Variants in ATRNL1 observed in about 807,000 individuals in gnomAD.
ATRNL1 encodes attractin like 1.
Under a neutral mutation model 182.7 loss-of-function variants are expected in ATRNL1, and 95 were observed. The observed-to-expected ratio is 0.52, with a 90% CI of 0.44 to 0.62. The LOEUF (loss-of-function observed/expected upper bound fraction) is 0.62. Ranked by LOEUF, ATRNL1 falls within the 20% of genes least tolerant of loss-of-function variation. ATRNL1 has a pLI of 0.00. For missense variants in ATRNL1, 1,471 were observed against 1,679.5 expected, an observed-to-expected ratio of 0.88 and a Z score of 2.17; for synonymous variants, 576 against 568.3, an observed-to-expected ratio of 1.01 and a Z score of -0.19.
At chr10:115,628,927 G>A (rs1858298162) in intron 26 of ATRNL1, among the ~76,000 whole-genome samples, 1 of 152,114 alleles carries the variant, frequency 6.6e-6, no homozygotes, top group Admixed American at 6.5e-5. Flanking sequence ...TAATTGAATA[G>A]TCTTGGCCTT....
chr10:115,679,326 T>G (rs1945972552), intron 26 of ATRNL1, among the ~76,000 whole-genome samples: 1 of 152,078 alleles, frequency 6.6e-6, no homozygotes, highest in South Asian at 2.1e-4. Flanking sequence ...TTGGTTTTTT[T>G]TTTAATTCCA....
At chr10:115,459,666 C>T (rs2134521311) in intron 21 of ATRNL1, among the ~76,000 whole-genome samples, 1 of 152,252 alleles carries the variant, frequency 6.6e-6, no homozygotes, top group Admixed American at 6.6e-5. Flanking sequence ...TCCTGTGGTC[C>T]TGTGATCTCG....
intron 26 of ATRNL1, among the ~76,000 whole-genome samples, chr10:115,562,394 GT>G (rs1221696050): frequency 6.6e-6 from 1 of 152,132 alleles, no homozygotes; most frequent in Non-Finnish European, 1.5e-5. Context: ...AAATTAGACT[GT>G]GGTAATTGTT....
intron 1 of ATRNL1, among the ~76,000 whole-genome samples, chr10:115,111,707 A>G (rs1186943011): frequency 6.6e-6 from 1 of 152,276 alleles, no homozygotes; most frequent in East Asian, 1.9e-4. Flanking sequence ...ATTAGGGATC[A>G]AATTTCAGTG....
intron 26 of ATRNL1, among the ~76,000 whole-genome samples, chr10:115,686,353 C>A (rs1204968686): frequency 6.6e-6 from 1 of 151,986 alleles, no homozygotes; most frequent in African/African-American, 2.4e-5. Flanking sequence ...AGAATTCTAG[C>A]CTCACCATTT....
chr10:115,541,560 A>G (rs936178307), intron 25 of ATRNL1, among the ~76,000 whole-genome samples: 7 of 152,206 alleles, frequency 4.6e-5, no homozygotes, highest in South Asian at 2.1e-4. Context: ...CATGTGAACC[A>G]TATTTATAGA....
chr10:115,617,512 A>T (rs1857503287), intron 26 of ATRNL1, among the ~76,000 whole-genome samples: 1 of 152,074 alleles, frequency 6.6e-6, no homozygotes, highest in East Asian at 1.9e-4. Context: ...GGCATGCACC[A>T]CCACACCCAG....
intron 25 of ATRNL1, among the ~76,000 whole-genome samples, chr10:115,523,573 C>G (rs1034169275): frequency 6.6e-6 from 1 of 152,182 alleles, no homozygotes; most frequent in Non-Finnish European, 1.5e-5. Context: ...TTAAAAGCAG[C>G]CACATTACTT....
At chr10:115,319,807 CTGAATACAGCACACTGATTGGTCT>C (rs1315774102) in intron 18 of ATRNL1, among the ~76,000 whole-genome samples, 3 of 151,752 alleles carry the variant, frequency 2.0e-5, no homozygotes, top group African/African-American at 7.3e-5. Context: ...GATGGGTCTC[CTGAATACAGCACACTGATTGGTCT>C]TGACTCTTTA....
intron 19 of ATRNL1, among the ~76,000 whole-genome samples, chr10:115,386,019 A>T (rs1220243756): frequency 1.3e-5 from 2 of 151,944 alleles, no homozygotes; most frequent in African/African-American, 2.4e-5. Context: ...CGTCTTTTTT[A>T]AATGCTTTTT....
intron 8 of ATRNL1, among the ~76,000 whole-genome samples, chr10:115,187,698 CT>C (rs1194596327): frequency 4.6e-5 from 5 of 109,008 alleles, no homozygotes; most frequent in Admixed American, 1.0e-4. Context: ...TTTCTTTTTT[CT>C]TTTTTTTTTT....
At chr10:115,503,093 T>A (rs1227977193) in intron 24 of ATRNL1, among the ~76,000 whole-genome samples, 3 of 152,094 alleles carry the variant, frequency 2.0e-5, no homozygotes, top group Non-Finnish European at 4.4e-5. Context: ...GGTGTCCTTT[T>A]TAGACTCAGG....
At chr10:115,553,196 A>G (rs782643931) in intron 26 of ATRNL1, among the ~76,000 whole-genome samples, 3 of 151,280 alleles carry the variant, frequency 2.0e-5, no homozygotes, top group Admixed American at 6.6e-5. Flanking sequence ...TGCATATTTT[A>G]ATAGTTACAA....
chr10:115,424,539 T>C (rs990517221), intron 20 of ATRNL1, among the ~76,000 whole-genome samples: 3 of 152,208 alleles, frequency 2.0e-5, no homozygotes, highest in Admixed American at 6.5e-5. Flanking sequence ...TCTAAGTCTG[T>C]ATCAAGAGAT....
chr10:115,314,832 A>G lies in ATRNL1; in HGVS notation c.2819-686A>G, dbSNP rs376328233. ...ACAAAAAGACAAAAAACCAACAACA[A>G]CAAAGGTTGAGTATCTGCAAATGAG... is the stretch of plus-strand genomic sequence containing the variant. On this transcript the variant is annotated intron_variant, in intron 17 of 28. Coordinates refer to ENST00000355044, the MANE Select transcript of ATRNL1 (RefSeq NM_207303.4). Among the ~76,000 whole-genome samples the G allele has an allele frequency of 2.0e-5, 3 of 152,234 alleles. No individual in the cohort carries two copies. The South Asian group carries it at 6.2e-4, about 31-fold the overall frequency.
At chr10:115,813,682 C>T (rs1251618736) in intron 27 of ATRNL1, among the ~76,000 whole-genome samples, 11 of 152,126 alleles carry the variant, frequency 7.2e-5, no homozygotes, top group Non-Finnish European at 1.3e-4. Context: ...TAAAACATCA[C>T]GTTAGTGGCA....
intron 24 of ATRNL1, among the ~76,000 whole-genome samples, chr10:115,484,093 A>G (rs897745823): frequency 1.3e-5 from 2 of 150,628 alleles, no homozygotes; most frequent in African/African-American, 2.4e-5. Flanking sequence ...TTGAAATGCA[A>G]TTGAAGAGAC....
chr10:115,312,954 T>C (rs1854109380), intron 17 of ATRNL1, among the ~76,000 whole-genome samples: 1 of 152,126 alleles, frequency 6.6e-6, no homozygotes, highest in Non-Finnish European at 1.5e-5. Flanking sequence ...TGCAATTTTC[T>C]AAATGTGCCT....
At chr10:115,271,875 C>T (rs975641694) in intron 13 of ATRNL1, among the ~76,000 whole-genome samples, 1 of 151,820 alleles carries the variant, frequency 6.6e-6, no homozygotes, top group Non-Finnish European at 1.5e-5. Flanking sequence ...AAATATAATC[C>T]CCGGTCTTGG....
Sources: gnomAD v4.1 joint callset for allele counts (sites outside exome capture counted in the v4.1 genomes callset) on GRCh38, gnomAD v4.1.1 for gene constraint, MANE v1.5 for transcripts, NCBI Gene and HGNC (gene_info 2026-07-23, HGNC 2026-07-21) for gene names.